BRINP1: variants seen among roughly 807,000 people sequenced by gnomAD.
BRINP1 encodes the protein BMP/retinoic acid-inducible neural-specific protein 1.
A neutral mutation model predicts 72.9 loss-of-function variants in BRINP1; 17 were observed. That is an observed-to-expected ratio of 0.23 (90% CI 0.16 to 0.35). The LOEUF (loss-of-function observed/expected upper bound fraction) is 0.35. Ranked by LOEUF, BRINP1 falls within the 10% of genes least tolerant of loss-of-function variation. The pLI, the probability that BRINP1 is intolerant of heterozygous loss-of-function variation, is 1.00. For missense variants in BRINP1, 850 were observed against 1,001.6 expected, an observed-to-expected ratio of 0.85 and a Z score of 2.04; for synonymous variants, 418 against 378.5, an observed-to-expected ratio of 1.10 and a Z score of -1.21.
intron 7 of BRINP1, among the ~76,000 whole-genome samples, chr9:119,199,800 CTT>C (rs11375044): frequency 6.9e-6 from 1 of 145,880 alleles, no homozygotes; most frequent in African/African-American, 2.5e-5. Context: ...TCTTGTTCTT[CTT>C]TTTTTTTTTT....
chr9:119,167,442 G>T lies in BRINP1; in HGVS notation c.1928C>A (p.Pro643His). Reference protein sequence around the residue: ...TGQGPVDLSDPSKRQFYIKIS... With the variant: ...TGQGPVDLSDHSKRQFYIKIS... The stretch of plus-strand genomic sequence containing the variant: ...CTTGATGTAGAACTGCCTCTTGGAG[G>T]GATCCGACAGGTCCACGGGGCCCTG... The change falls in exon 8 of 8, where the codon CCC becomes CAC. Residue 643 changes from proline (P) to histidine (H), a missense_variant. Pro to His is a moderately conservative substitution (Grantham distance 77). Transcript: ENST00000265922. This position sits in a 1 kb window ranked among gnomAD's most constrained non-coding sequence, Gnocchi z 4.3. 6.2e-7 allele frequency: 1 copy of T among 1,614,090 alleles called. No individual in the cohort carries two copies.
intron 3 of BRINP1, among the ~76,000 whole-genome samples, chr9:119,247,683 A>G (rs1040541471): frequency 7.8e-6 from 1 of 128,052 alleles, no homozygotes; most frequent in Non-Finnish European, 1.7e-5. Context: ...AAAAAAAAAA[A>G]AGAGATGACT....
chr9:119,274,439 T>C (rs186699294), intron 2 of BRINP1, among the ~76,000 whole-genome samples: 40 of 152,284 alleles, frequency 2.6e-4, no homozygotes. Context: ...CGGATTTGGT[T>C]GAGATTACAG....
At chr9:119,266,354 G>A (rs1353527269) in intron 2 of BRINP1, among the ~76,000 whole-genome samples, 3 of 152,158 alleles carry the variant, frequency 2.0e-5, no homozygotes, top group Non-Finnish European at 4.4e-5. Context: ...GGTACACCAC[G>A]ATGAAGACTT....
At chr9:119,279,974 A>G (rs1014120159) in intron 2 of BRINP1, among the ~76,000 whole-genome samples, 7 of 152,186 alleles carry the variant, frequency 4.6e-5, no homozygotes, top group African/African-American at 1.7e-4. Flanking sequence ...AATACCTCAA[A>G]AGAAGAAAAA....
At chr9:119,298,047 G>A (rs889176535) in intron 2 of BRINP1, among the ~76,000 whole-genome samples, 1 of 152,120 alleles carries the variant, frequency 6.6e-6, no homozygotes, top group Non-Finnish European at 1.5e-5. Flanking sequence ...AACTATTCTC[G>A]CACATTTATT....
At chr9:119,321,057 A>G (rs2119003801) in intron 1 of BRINP1, among the ~76,000 whole-genome samples, 1 of 152,050 alleles carries the variant, frequency 6.6e-6, no homozygotes, top group Admixed American at 6.5e-5. Flanking sequence ...CAGCTTCCCG[A>G]GTAGCTGGGA....
At chr9:119,180,246 C>T (rs1039484187) in intron 7 of BRINP1, among the ~76,000 whole-genome samples, 8 of 152,128 alleles carry the variant, frequency 5.3e-5, no homozygotes, top group Non-Finnish European at 1.0e-4. Flanking sequence ...TTTAAAAGTA[C>T]AGAGGAAATG....
At chr9:119,183,691 C>A (rs1313148039) in intron 7 of BRINP1, among the ~76,000 whole-genome samples, 1 of 152,146 alleles carries the variant, frequency 6.6e-6, no homozygotes, top group Non-Finnish European at 1.5e-5. Context: ...AATAAGGCAG[C>A]AAAACATGAC....
In BRINP1 at chr9:119,180,545, T is replaced by C. The variant is rs147532353; in HGVS notation, c.1146-12321A>G. On this transcript the variant is annotated intron_variant, in intron 7 of 7. Coordinates refer to ENST00000265922, the MANE Select transcript of BRINP1 (RefSeq NM_014618.3). ...AGAAGTGGTATTTATAAGAGATGAATACGTCAAGTCAGTGGTGTCAGAATA... is the reference window on the plus strand; with the variant it reads ...AGAAGTGGTATTTATAAGAGATGAACACGTCAAGTCAGTGGTGTCAGAATA... 1.2e-3 allele frequency among the ~76,000 whole-genome samples: 177 copies of C among 151,870 alleles called. 1 individual carries two copies. Among genetic ancestry groups the C allele is most frequent in the African/African-American group, 4.0e-3 (167 of 41,460 alleles).
chr9:119,183,548 C>T (rs974339887), intron 7 of BRINP1, among the ~76,000 whole-genome samples: 6 of 152,162 alleles, frequency 3.9e-5, no homozygotes, highest in African/African-American at 1.2e-4. Context: ...TGGTGCTGGT[C>T]ATACGTGTGA....
At chr9:119,348,085 C>T (rs1023908227) in intron 1 of BRINP1, among the ~76,000 whole-genome samples, 16 of 152,284 alleles carry the variant, frequency 1.1e-4, no homozygotes, top group Non-Finnish European at 2.2e-4. Context: ...ATACAGAATA[C>T]ATACACCACC....
intron 1 of BRINP1, among the ~76,000 whole-genome samples, chr9:119,346,037 C>G (rs1035290727): frequency 6.6e-6 from 1 of 152,130 alleles, no homozygotes; most frequent in Non-Finnish European, 1.5e-5. Context: ...AACCACAAAG[C>G]ATACTCAACT....
Position 119,368,301 on chromosome 9 carries a change from A to T in BRINP1, c.-51+755T>A, listed in dbSNP as rs1158182660. Among the ~76,000 whole-genome samples, 1 of 152,094 alleles carries T rather than the reference A, an allele frequency of 6.6e-6. No individual in the cohort carries two copies. Among genetic ancestry groups the T allele is most frequent in the Non-Finnish European group, 1.5e-5 (1 of 68,018 alleles). On this transcript the variant is annotated intron_variant, in intron 1 of 7. Coordinates refer to ENST00000265922, the MANE Select transcript of BRINP1 (RefSeq NM_014618.3). This position sits in a 1 kb window ranked among gnomAD's most constrained non-coding sequence, Gnocchi z 4.7. The stretch of plus-strand genomic sequence containing the variant: ...TATCCAGTGTCTCCAAATTCCCATC[A>T]GAATCTTGGAGTCTGCCCAGTGTAG...
At chr9:119,190,788 C>T (rs1039719255) in intron 7 of BRINP1, among the ~76,000 whole-genome samples, 1 of 151,954 alleles carries the variant, frequency 6.6e-6, no homozygotes, top group African/African-American at 2.4e-5. Flanking sequence ...GGGAATACTT[C>T]CAAACACATG....
At chr9:119,316,588 T>C (rs778036802) in intron 1 of BRINP1, among the ~76,000 whole-genome samples, 7 of 152,062 alleles carry the variant, frequency 4.6e-5, no homozygotes, top group Admixed American at 2.6e-4. Context: ...CTTAAGAGTA[T>C]GCTAAATCTA....
intron 6 of BRINP1, among the ~76,000 whole-genome samples, chr9:119,212,590 C>T (rs1829940336): frequency 6.6e-6 from 1 of 152,128 alleles, no homozygotes; most frequent in South Asian, 2.1e-4. Context: ...GGAGGTGTTC[C>T]CTTCTCTGTA....
chr9:119,328,678 C>T (rs1831263422), intron 1 of BRINP1, among the ~76,000 whole-genome samples: 2 of 152,042 alleles, frequency 1.3e-5, no homozygotes, highest in Non-Finnish European at 2.9e-5. Flanking sequence ...CTGTAAAACC[C>T]AAATTACAAA....
chr9:119,309,737 A>G (rs570408772), intron 2 of BRINP1, among the ~76,000 whole-genome samples: 8 of 152,064 alleles, frequency 5.3e-5, no homozygotes, highest in Non-Finnish European at 1.0e-4. Flanking sequence ...TGAAAAGATC[A>G]TTGTTTCATT....
Sources: allele counts gnomAD v4.1 joint callset (sites outside exome capture counted in the v4.1 genomes callset), GRCh38; gene constraint gnomAD v4.1.1; non-coding constraint Gnocchi (gnomAD v3.1); transcripts MANE v1.5; gene names NCBI Gene and HGNC (gene_info 2026-07-23, HGNC 2026-07-21).